Variants in ANO2 observed in about 807,000 individuals in gnomAD.
The protein encoded by ANO2 is anoctamin 2.
A neutral mutation model predicts 124.2 loss-of-function variants in ANO2; 101 were observed. That is an observed-to-expected ratio of 0.81 (90% CI 0.69 to 0.96). The LOEUF (loss-of-function observed/expected upper bound fraction) is 0.96. Ranked by LOEUF, ANO2 falls within the 40% of genes least tolerant of loss-of-function variation. The pLI is 0.00. For missense variants in ANO2, 1,293 were observed against 1,274.5 expected, an observed-to-expected ratio of 1.01 and a Z score of -0.22; for synonymous variants, 486 against 482.5, an observed-to-expected ratio of 1.01 and a Z score of -0.09.
chr12:5,778,967 T>C (rs900891832), intron 10 of ANO2, among the ~76,000 whole-genome samples: 1 of 152,226 alleles, frequency 6.6e-6, no homozygotes, highest in Non-Finnish European at 1.5e-5. Flanking sequence ...CAGTTCTGCA[T>C]TATTCAAGAA....
At chr12:5,832,716 A>T in intron 4 of ANO2, 113 bp from the exon 5 acceptor site, 1 of 1,223,510 alleles carries the variant, frequency 8.2e-7, no homozygotes, top group East Asian at 2.6e-5. Context: ...CATTGGAGAG[A>T]GGAAGAGACT....
intron 14 of ANO2, among the ~76,000 whole-genome samples, chr12:5,708,484 A>C (rs986233255): frequency 2.2e-4 from 33 of 152,150 alleles, no homozygotes; most frequent in African/African-American, 7.7e-4. Flanking sequence ...TCCTTCTACC[A>C]TGAAGGCATT....
intron 10 of ANO2, among the ~76,000 whole-genome samples, chr12:5,792,636 A>G (rs1952731146): frequency 6.6e-6 from 1 of 152,222 alleles, no homozygotes; most frequent in South Asian, 2.1e-4. Context: ...TGCCTGATGC[A>G]TAGCTGATAC....
chr12:5,815,660 T>C (rs1953583604), intron 7 of ANO2, among the ~76,000 whole-genome samples: 1 of 152,226 alleles, frequency 6.6e-6, no homozygotes, highest in African/African-American at 2.4e-5. Context: ...AATTTGCAGT[T>C]CAACTGTAGA....
At chr12:5,563,970 C>T (rs181324504) in intron 24 of ANO2, among the ~76,000 whole-genome samples, 138 of 152,304 alleles carry the variant, frequency 9.1e-4, no homozygotes, top group Admixed American at 3.5e-3. Context: ...TGGAAAGTGG[C>T]TTTCTAGCAA....
At chr12:5,857,787 T>TAGAC (rs1247824156) in intron 3 of ANO2, among the ~76,000 whole-genome samples, 2 of 151,616 alleles carry the variant, frequency 1.3e-5, no homozygotes, top group African/African-American at 2.4e-5. Context: ...GATAGATAGA[T>TAGAC]AGATAGATAG....
intron 10 of ANO2, among the ~76,000 whole-genome samples, chr12:5,786,121 C>T (rs945504607): frequency 3.3e-5 from 5 of 152,278 alleles, no homozygotes; most frequent in African/African-American, 1.2e-4. Context: ...ATGAAGTCTA[C>T]AACTAGGTCC....
chr12:5,899,592 A>C (rs1940039946), intron 3 of ANO2, among the ~76,000 whole-genome samples: 1 of 152,234 alleles, frequency 6.6e-6, no homozygotes, highest in South Asian at 2.1e-4. Context: ...GGTGACCAAC[A>C]AATGTTTGTT....
At chr12:5,759,169 A>T (rs1951665306) in intron 10 of ANO2, among the ~76,000 whole-genome samples, 1 of 150,912 alleles carries the variant, frequency 6.6e-6, no homozygotes, top group Admixed American at 6.6e-5. Flanking sequence ...AAAAAAAACA[A>T]CAAAACACAA....
chr12:5,827,502 T>C (rs928999617), intron 7 of ANO2, among the ~76,000 whole-genome samples: 1 of 151,666 alleles, frequency 6.6e-6, no homozygotes, highest in Admixed American at 6.6e-5. Context: ...GTGTGGGCGG[T>C]ACAGGGAAAA....
intron 1 of ANO2, among the ~76,000 whole-genome samples, chr12:5,943,278 TG>T (rs1942965754): frequency 5.5e-4 from 2 of 3,652 alleles, no homozygotes; most frequent in Admixed American, 8.3e-3. Context: ...AGTGTGTGTT[TG>T]TGTGTGTGTG....
At chr12:5,772,743 T>C (rs1423244836) in intron 10 of ANO2, among the ~76,000 whole-genome samples, 1 of 152,246 alleles carries the variant, frequency 6.6e-6, no homozygotes, top group Non-Finnish European at 1.5e-5. Context: ...TATAAAAGAC[T>C]GTATGCAAGT....
chr12:5,577,986 G>C lies in ANO2; in HGVS notation c.2408C>G (p.Ser803Cys), dbSNP rs1942512966. 1.2e-6 allele frequency: 2 copies of C among 1,613,762 alleles called. No homozygotes were observed. Among genetic ancestry groups the C allele is most frequent in the African/African-American group, 2.7e-5 (2 of 74,938 alleles). The stretch of plus-strand genomic sequence containing the variant: ...GATAACAGAGAACTTGCCAATTCCA[G>C]AGAGAATGTCAAACCAGATTCCTAC... Reference protein sequence around the residue: ...KDIGIWFDILSGIGKFSVISN... With the variant: ...KDIGIWFDILCGIGKFSVISN... Residue 803 changes from serine (S) to cysteine (C), a missense_variant, in exon 22 of 25, where the codon TCT becomes TGT. Ser to Cys is a moderately radical substitution (Grantham distance 112, BLOSUM62 -1). Transcript: ENST00000682330.
chr12:5,603,292 A>G (rs534418401), intron 19 of ANO2, among the ~76,000 whole-genome samples: 2 of 152,234 alleles, frequency 1.3e-5, no homozygotes, highest in South Asian at 2.1e-4. Flanking sequence ...CATTTAAACA[A>G]AAGTGACCAA....
intron 13 of ANO2, chr12:5,732,979 G>C: frequency 1.5e-6 from 2 of 1,357,182 alleles, no homozygotes; most frequent in East Asian, 2.3e-5. Flanking sequence ...ACCAGAGGCA[G>C]AGGGATATCC....
chr12:5,838,307 G>T (rs940205037), intron 4 of ANO2, among the ~76,000 whole-genome samples: 2 of 152,176 alleles, frequency 1.3e-5, no homozygotes, highest in Admixed American at 6.5e-5. Flanking sequence ...CTGCCTTCAA[G>T]AGTGTGGAAG....
chr12:5,926,601 G>A (rs752747524), intron 1 of ANO2, among the ~76,000 whole-genome samples: 10 of 152,162 alleles, frequency 6.6e-5, no homozygotes, highest in Non-Finnish European at 1.5e-4. Context: ...TCTTCATCTA[G>A]TTGTGGGCCA....
rs201269641 is a variant in ANO2, at chr12:5,575,955, T to C, written c.2500A>G (p.Ser834Gly). The C allele has an allele frequency of 5.0e-6, 8 of 1,613,276 alleles. No individual in the cohort carries two copies. The highest frequency in any genetic ancestry group is 6.8e-6 in the Non-Finnish European group (8 of 1,179,618). The change falls in exon 23 of 25, where the codon AGT becomes GGT. Residue 834 changes from serine (S) to glycine (G), a missense_variant. By Grantham distance (56) the Ser-to-Gly change is moderately conservative. Coordinates refer to ENST00000682330, the MANE Select transcript of ANO2 (RefSeq NM_001364791.2). ...AAGCCGTGCAGAGTCCCATTGTGAC[T>C]GTAGGAGTACTGGTACACCAGGCGG... is the stretch of plus-strand genomic sequence containing the variant. Reference protein sequence around the residue: ...IPRLVYQYSYSHNGTLHGFVN... With the variant: ...IPRLVYQYSYGHNGTLHGFVN...
rs1940520565 is a variant in ANO2 at position 5,904,229 on chromosome 12, G to A, written c.534+16811C>T. On this transcript the variant is annotated intron_variant, in intron 3 of 24. Coordinates refer to ENST00000682330, the MANE Select transcript of ANO2 (RefSeq NM_001364791.2). The surrounding 1 kb of genome is among the most constrained non-coding windows in gnomAD (Gnocchi z 4.1). ...GTAAAGAAGGGGGGACTCCCATCTG[G>A]GACCATGGTCCTTGAAAAAGGAAAG... Among the ~76,000 whole-genome samples, 2 of 152,186 alleles carry A rather than the reference G, an allele frequency of 1.3e-5. No individual in the cohort carries two copies. The highest frequency in any genetic ancestry group is 1.3e-4 in the Admixed American group (2 of 15,278).
Sources: allele counts gnomAD v4.1 joint callset (sites outside exome capture counted in the v4.1 genomes callset), GRCh38; gene constraint gnomAD v4.1.1; non-coding constraint Gnocchi (gnomAD v3.1); transcripts MANE v1.5; gene names NCBI Gene and HGNC (gene_info 2026-07-23, HGNC 2026-07-21).